Variants in OSTF1 observed in about 807,000 individuals in gnomAD.
OSTF1 encodes the protein osteoclast-stimulating factor 1.
Under a neutral mutation model 37.2 loss-of-function variants are expected in OSTF1, and 27 were observed. The ratio of observed to expected loss-of-function variants is 0.73; its 90% confidence interval spans 0.54 to 1.00. OSTF1 has a LOEUF of 1.00. Ranked by LOEUF, OSTF1 falls within the 50% of genes least tolerant of loss-of-function variation. The pLI is 0.00. For missense variants in OSTF1, 232 were observed against 253.8 expected, an observed-to-expected ratio of 0.91 and a Z score of 0.58; for synonymous variants, 82 against 89.2, an observed-to-expected ratio of 0.92 and a Z score of 0.46.
chr9:75,133,311 A>T lies in OSTF1; in HGVS notation c.268A>T (p.Arg90Ter). The change falls in exon 6 of 10, where the codon AGA becomes TGA. Residue 90 changes from arginine to a stop codon, truncating the protein, a stop_gained. Coordinates refer to ENST00000346234, the MANE Select transcript of OSTF1 (RefSeq NM_012383.5). LOFTEE classifies it high-confidence loss of function. ...AAKRGNLSWL[R>*]ECLDNRVGVN... is the part of the protein sequence containing the mutation. The stretch of plus-strand genomic sequence containing the variant: ...TCTTTCAGGCAACTTGAGCTGGTTG[A>T]GAGAGTGTTTGGACAACAGAGTGGG... 3 of 1,609,702 alleles carry T rather than the reference A, an allele frequency of 1.9e-6. No individual in the cohort carries two copies. The highest frequency in any genetic ancestry group is 2.6e-6 in the Non-Finnish European group (3 of 1,176,184).
rs543883478 is a variant in OSTF1, at chr9:75,115,093, C to G, written c.35-2411C>G. On this transcript the variant is annotated intron_variant, in intron 1 of 9. Transcript: ENST00000346234. ...ATTTATAAGTTGTATGTATATTATT[C>G]TATGGTGTTATATCATAAAACATGT... is the stretch of plus-strand genomic sequence containing the variant. Among the ~76,000 whole-genome samples, 58 of 152,156 alleles carry G rather than the reference C, an allele frequency of 3.8e-4. 1 individual carries two copies. The highest frequency in any genetic ancestry group is 2.1e-4 in the South Asian group (1 of 4,818).
intron 9 of OSTF1, among the ~76,000 whole-genome samples, chr9:75,141,356 G>A (rs1825941900): frequency 7.5e-6 from 1 of 134,120 alleles, no homozygotes; most frequent in Non-Finnish European, 1.6e-5. Context: ...CTCTTCAGAT[G>A]ATTCTGAAGT....
intron 5 of OSTF1, among the ~76,000 whole-genome samples, 154 bp from the exon 6 acceptor site, chr9:75,133,140 C>T (rs998174487): frequency 6.6e-6 from 1 of 152,068 alleles, no homozygotes; most frequent in African/African-American, 2.4e-5. Flanking sequence ...TCAAAATGTA[C>T]CATAATAAAT....
At chr9:75,130,457 A>G (rs1212906132) in intron 3 of OSTF1, 121 bp from the exon 4 acceptor site, 8 of 674,916 alleles carry the variant, frequency 1.2e-5, no homozygotes, top group Non-Finnish European at 1.6e-5. Context: ...GAAGCTTGAT[A>G]GTGTGGGTAG....
intron 6 of OSTF1, 74 bp downstream of exon 6, chr9:75,133,475 A>G (rs1039924363): frequency 1.0e-5 from 9 of 881,576 alleles, no homozygotes; most frequent in Non-Finnish European, 1.5e-5. Context: ...AGATTTACAA[A>G]AAATGAGAAA....
chr9:75,094,629 T>C (rs1230473307), intron 1 of OSTF1, among the ~76,000 whole-genome samples: 2 of 151,834 alleles, frequency 1.3e-5, no homozygotes, highest in African/African-American at 2.4e-5. Flanking sequence ...GCCAAAGTTG[T>C]CCTCACTTGC....
Position 75,126,829 on chromosome 9 carries a change from G to A in OSTF1, c.82-740G>A, listed in dbSNP as rs529235473. The stretch of plus-strand genomic sequence containing the variant: ...GCTGGTCTTGAACTGCTGGCCTTGT[G>A]AACCACCTGCCTTGGTCTCCCAAAG... On this transcript the variant is annotated intron_variant, in intron 2 of 9. Coordinates refer to ENST00000346234, the MANE Select transcript of OSTF1 (RefSeq NM_012383.5). 1.3e-4 allele frequency among the ~76,000 whole-genome samples: 20 copies of A among 152,298 alleles called. No homozygotes were observed. The South Asian group carries it at 4.1e-3, about 32-fold the overall frequency.
intron 4 of OSTF1, among the ~76,000 whole-genome samples, chr9:75,130,922 T>G (rs1282346270): frequency 6.6e-6 from 1 of 152,188 alleles, no homozygotes; most frequent in East Asian, 1.9e-4. Flanking sequence ...AACAATTTTT[T>G]TTAATGCTGA....
Position 75,088,553 on chromosome 9 carries a change from AGCCAAGGGTGGGC to A in OSTF1, c.-136_-124del. The A allele has an allele frequency of 1.1e-6, 1 of 885,052 alleles. No individual in the cohort carries two copies. The allele number at this position is 885,052 out of a possible 1,614,324, so 54.8% of individuals were successfully genotyped here. A position where few individuals can be genotyped will look rare whatever the true frequency, so the allele number is the denominator to read the frequency against. On this transcript the variant is annotated 5_prime_UTR_variant, in exon 1 of 10. Transcript: ENST00000346234. ...CTCTGCCTGCGTCCGCTCTTCCCGC[AGCCAAGGGTGGGC>A]GCCGGTCCTAGGAGGCGCACGGTTG...
intron 1 of OSTF1, among the ~76,000 whole-genome samples, chr9:75,097,600 G>A (rs377289590): frequency 6.6e-6 from 1 of 152,076 alleles, no homozygotes; most frequent in African/African-American, 2.4e-5. Context: ...GATCTCATTG[G>A]AATCTGTGCA....
intron 1 of OSTF1, among the ~76,000 whole-genome samples, chr9:75,100,845 C>G (rs1825179503): frequency 6.6e-6 from 1 of 152,128 alleles, no homozygotes; most frequent in African/African-American, 2.4e-5. Context: ...ACAACTCTCC[C>G]CCACCTTCCA....
intron 5 of OSTF1, among the ~76,000 whole-genome samples, chr9:75,132,370 T>C (rs1311322838): frequency 1.3e-5 from 2 of 152,298 alleles, no homozygotes; most frequent in East Asian, 3.9e-4. Context: ...TTGGGCTTTA[T>C]TCTGTAGATC....
chr9:75,115,614 A>C (rs1825472429), intron 1 of OSTF1, among the ~76,000 whole-genome samples: 1 of 147,396 alleles, frequency 6.8e-6, no homozygotes, highest in African/African-American at 2.5e-5. Context: ...AAATCTATTT[A>C]TTTTATTAAA....
In OSTF1 at chr9:75,115,437, G is replaced by A. The variant is rs148171210; in HGVS notation, c.35-2067G>A. Reference sequence around the variant, plus strand: ...CTCCTGAGTAGCAAGGACTACAGGTGCACGCCATCATGCCCGGCAAATTTT... The same window carrying A: ...CTCCTGAGTAGCAAGGACTACAGGTACACGCCATCATGCCCGGCAAATTTT... On this transcript the variant is annotated intron_variant, in intron 1 of 9. Coordinates refer to ENST00000346234, the MANE Select transcript of OSTF1 (RefSeq NM_012383.5). Among the ~76,000 whole-genome samples, 769 of 152,174 alleles carry A rather than the reference G, an allele frequency of 5.1e-3. 12 individuals are homozygous for A. The highest frequency in any genetic ancestry group is 2.8e-3 in the Non-Finnish European group (189 of 68,002).
chr9:75,109,876 C>T (rs1266214495), intron 1 of OSTF1, among the ~76,000 whole-genome samples: 3 of 152,278 alleles, frequency 2.0e-5, no homozygotes, highest in Middle Eastern at 3.4e-3. Context: ...TAATGCTTAG[C>T]AATGCTGGTA....
intron 2 of OSTF1, among the ~76,000 whole-genome samples, chr9:75,120,484 C>G (rs1212269392): frequency 6.6e-6 from 1 of 152,086 alleles, no homozygotes; most frequent in Non-Finnish European, 1.5e-5. Context: ...GCTGCCTCCT[C>G]GAATCTAGAA....
chr9:75,136,338 T>C (rs1199864993), intron 7 of OSTF1, among the ~76,000 whole-genome samples: 1 of 152,198 alleles, frequency 6.6e-6, no homozygotes, highest in East Asian at 1.9e-4. Flanking sequence ...TTTGTTTTGG[T>C]CTTTACTAAA....
intron 1 of OSTF1, among the ~76,000 whole-genome samples, chr9:75,113,057 G>A (rs1825420088): frequency 6.6e-6 from 1 of 152,020 alleles, no homozygotes; most frequent in Non-Finnish European, 1.5e-5. Context: ...TTCTACTTTT[G>A]TGTGTGCCTA....
chr9:75,125,103 A>C lies in OSTF1; in HGVS notation c.82-2466A>C, dbSNP rs757074148. ...AGCCCACATATCCTATTTTCCTGAC[A>C]CTCTTCTTCTTCCTTCATTCTCCCC... is the stretch of plus-strand genomic sequence containing the variant. On this transcript the variant is annotated intron_variant, in intron 2 of 9. Coordinates refer to ENST00000346234, the MANE Select transcript of OSTF1 (RefSeq NM_012383.5). Among the ~76,000 whole-genome samples, 38 of 151,996 alleles carry C rather than the reference A, an allele frequency of 2.5e-4. 1 individual carries two copies. The highest frequency in any genetic ancestry group is 6.6e-5 in the Admixed American group (1 of 15,266).
Sources: gnomAD v4.1 joint callset for allele counts (sites outside exome capture counted in the v4.1 genomes callset) on GRCh38, gnomAD v4.1.1 for gene constraint, MANE v1.5 for transcripts, NCBI Gene and HGNC (gene_info 2026-07-23, HGNC 2026-07-21) for gene names.